The following KHDRBS2 variants were observed in gnomAD, a reference collection of about 807,000 sequenced individuals.
KHDRBS2 encodes the protein KH domain-containing, RNA-binding, signal transduction-associated protein 2.
A neutral mutation model predicts 44.3 loss-of-function variants in KHDRBS2; 26 were observed. The ratio of observed to expected loss-of-function variants is 0.59; its 90% CI spans 0.43 to 0.81. The LOEUF (loss-of-function observed/expected upper bound fraction) is 0.81. KHDRBS2 is among the 40% of genes least tolerant of loss of function. KHDRBS2 has a pLI of 0.00. For missense variants in KHDRBS2, 476 were observed against 433.1 expected (o/e 1.10, Z -0.88); for synonymous variants, 194 against 151.1 (o/e 1.28, Z -2.08).
chr6:62,076,533 T>C (rs1311379354), intron 2 of KHDRBS2, among the ~76,000 whole-genome samples: 1 of 152,052 alleles, frequency 6.6e-6, no homozygotes, highest in Non-Finnish European at 1.5e-5. Flanking sequence ...AAGGATTCAC[T>C]TCCAGGAATT....
At position 62,161,984 on chromosome 6, in the gene KHDRBS2, C is replaced by T. The variant is rs1420969801; in HGVS notation, c.219+15201G>A. Among the ~76,000 whole-genome samples, 3 of 151,902 alleles carry T rather than the reference C, an allele frequency of 2.0e-5. No individual in the cohort carries two copies. The East Asian group carries it at 5.8e-4, about 29-fold the overall frequency. ...TATATTATATGCCCCAAAACATAAA[C>T]TAATAATTATTTAAGTACACTAATC... is the stretch of plus-strand genomic sequence containing the variant. On this transcript the variant is annotated intron_variant, in intron 2 of 8. Coordinates refer to ENST00000281156, the MANE Select transcript of KHDRBS2 (RefSeq NM_152688.4).
chr6:62,115,479 C>G (rs560615638), intron 2 of KHDRBS2, among the ~76,000 whole-genome samples: 1 of 152,108 alleles, frequency 6.6e-6, no homozygotes, highest in Admixed American at 6.6e-5. Context: ...AGGATGAAAT[C>G]CAAATGCCAA....
At chr6:61,695,427 G>C (rs1767800868) in intron 8 of KHDRBS2, among the ~76,000 whole-genome samples, 1 of 152,114 alleles carries the variant, frequency 6.6e-6, no homozygotes, top group Non-Finnish European at 1.5e-5. Flanking sequence ...GGATTCTAAT[G>C]GAGGTTAGAG....
At chr6:61,781,186 T>G (rs1407318) in intron 6 of KHDRBS2, among the ~76,000 whole-genome samples, 24,279 of 152,054 alleles carry the variant, frequency 0.16, 2,430 homozygotes, top group East Asian at 0.29. Flanking sequence ...GCATTTTATC[T>G]CCAAATGCCA....
In KHDRBS2 at chr6:62,177,329, A is replaced by G. The variant is rs1821342119; in HGVS notation, c.92-17T>C. 6.4e-7 allele frequency: 1 copy of G among 1,571,238 alleles called. No homozygotes were observed. The highest frequency in any genetic ancestry group is 8.7e-7 in the Non-Finnish European group (1 of 1,152,682). ...TTTCAATTTCTGGAAGAAAATCACA[A>G]GAAGAAAACAAGTGAAATGAGGAAC... is the stretch of plus-strand genomic sequence containing the variant. On this transcript the variant is annotated splice_polypyrimidine_tract_variant and intron_variant, in intron 1 of 8. Coordinates refer to ENST00000281156, the MANE Select transcript of KHDRBS2 (RefSeq NM_152688.4).
intron 7 of KHDRBS2, among the ~76,000 whole-genome samples, chr6:61,725,687 A>G (rs1289898720): frequency 6.6e-6 from 1 of 152,178 alleles, no homozygotes; most frequent in East Asian, 1.9e-4. Flanking sequence ...TAAACTAGAC[A>G]ATCTATAAGA....
intron 1 of KHDRBS2, among the ~76,000 whole-genome samples, chr6:62,260,384 C>T (rs961993454): frequency 6.6e-6 from 1 of 151,856 alleles, no homozygotes; most frequent in African/African-American, 2.4e-5. Context: ...ATTCTTAGTT[C>T]TATTACCAAA....
the KHDRBS2 span, chr6:61,658,982 G>C: frequency 6.6e-6 from 1 of 151,688 alleles, no homozygotes; most frequent in Admixed American, 6.6e-5. Flanking sequence ...ATACAGTCGT[G>C]GAACAAATTT....
At chr6:62,188,522 T>A (rs771435833) in intron 1 of KHDRBS2, among the ~76,000 whole-genome samples, 1 of 151,970 alleles carries the variant, frequency 6.6e-6, no homozygotes, top group Non-Finnish European at 1.5e-5. Flanking sequence ...TGGTGAGAAG[T>A]GAGTGATGTT....
chr6:61,917,346 T>C (rs1807204163), intron 4 of KHDRBS2, among the ~76,000 whole-genome samples: 2 of 151,914 alleles, frequency 1.3e-5, no homozygotes, highest in Non-Finnish European at 2.9e-5. Flanking sequence ...TGTACTTAAA[T>C]GTATATTAAA....
At chr6:61,573,164 G>T in the KHDRBS2 span, among the ~76,000 whole-genome samples, 1 of 152,062 alleles carries the variant, frequency 6.6e-6, no homozygotes, top group Non-Finnish European at 1.5e-5. Flanking sequence ...TAGCACTGCT[G>T]TACACCAACA....
At chr6:61,578,963 G>C in the KHDRBS2 span, among the ~76,000 whole-genome samples, 6 of 152,208 alleles carry the variant, frequency 3.9e-5, no homozygotes, top group African/African-American at 1.4e-4. Flanking sequence ...TTTGGTAATA[G>C]TTTTATCCCT....
intron 6 of KHDRBS2, among the ~76,000 whole-genome samples, chr6:61,838,526 C>T (rs1793080037): frequency 6.6e-6 from 1 of 151,878 alleles, no homozygotes; most frequent in Middle Eastern, 3.2e-3. Flanking sequence ...CTTATTGTCT[C>T]TTCTAAGAAA....
intron 1 of KHDRBS2, among the ~76,000 whole-genome samples, chr6:62,246,898 C>A (rs1040131052): frequency 6.6e-6 from 1 of 151,908 alleles, no homozygotes; most frequent in Non-Finnish European, 1.5e-5. Flanking sequence ...TACCTGACAG[C>A]AAATTACTTT....
chr6:61,727,547 A>C (rs1385346990), intron 7 of KHDRBS2, among the ~76,000 whole-genome samples: 1 of 152,198 alleles, frequency 6.6e-6, no homozygotes, highest in African/African-American at 2.4e-5. Context: ...CATCTGTCAA[A>C]GGTCTAATAT....
At chr6:62,163,087 G>C (rs1021309886) in intron 2 of KHDRBS2, among the ~76,000 whole-genome samples, 76 of 151,998 alleles carry the variant, frequency 5.0e-4, no homozygotes, top group African/African-American at 1.7e-3. Flanking sequence ...ACAGAGAAGA[G>C]CACCATAGAT....
At chr6:61,904,883 C>T (rs1443807465) in intron 4 of KHDRBS2, among the ~76,000 whole-genome samples, 1 of 152,002 alleles carries the variant, frequency 6.6e-6, no homozygotes, top group African/African-American at 2.4e-5. Flanking sequence ...CTTGGAGGAC[C>T]CAAACTAATA....
intron 7 of KHDRBS2, among the ~76,000 whole-genome samples, chr6:61,705,035 A>C (rs1368668644): frequency 6.6e-6 from 1 of 151,848 alleles, no homozygotes; most frequent in Non-Finnish European, 1.5e-5. Flanking sequence ...ACTTTGCAGG[A>C]TAATTCTGGG....
chr6:62,073,530 CTTTTTTTT>C (rs60124030), intron 2 of KHDRBS2, among the ~76,000 whole-genome samples: 16 of 124,428 alleles, frequency 1.3e-4, no homozygotes, highest in South Asian at 1.0e-3. Context: ...TTTCTTTTTT[CTTTTTTTT>C]TTTTTTTGTT....
Sources: gnomAD v4.1 joint callset for allele counts (sites outside exome capture counted in the v4.1 genomes callset) on GRCh38, gnomAD v4.1.1 for gene constraint, MANE v1.5 for transcripts, NCBI Gene and HGNC (gene_info 2026-07-23, HGNC 2026-07-21) for gene names.